JHY: variants seen among roughly 807,000 people sequenced by gnomAD.
JHY encodes junctional cadherin complex regulator, also known as jhy protein homolog.
In JHY, 69 loss-of-function variants were observed where a neutral mutation model predicts 78.0. The ratio of observed to expected loss-of-function variants is 0.88; its 90% CI spans 0.73 to 1.08. The LOEUF (loss-of-function observed/expected upper bound fraction) is 1.08. JHY is among the 50% of genes least tolerant of loss of function. The pLI is 0.00. For missense variants in JHY, 944 were observed against 927.8 expected, an observed-to-expected ratio of 1.02 and a Z score of -0.23; for synonymous variants, 368 against 342.6, an observed-to-expected ratio of 1.07 and a Z score of -0.82.
intron 6 of JHY, among the ~76,000 whole-genome samples, chr11:122,952,825 T>C (rs1864117219): frequency 6.6e-6 from 1 of 152,258 alleles, no homozygotes; most frequent in Admixed American, 6.5e-5. Context: ...GGTTTTTTCC[T>C]TCCTTTTAAT....
intron 7 of JHY, among the ~76,000 whole-genome samples, chr11:122,956,971 C>T (rs191524055): frequency 2.0e-3 from 310 of 152,186 alleles, no homozygotes; most frequent in Middle Eastern, 0.01. Flanking sequence ...CCACTTTATT[C>T]TCTTTCCTCT....
rs950517168 is a variant in JHY at position 122,926,735 on chromosome 11, C to T, written c.978+1725C>T. Among the ~76,000 whole-genome samples the T allele has an allele frequency of 2.0e-5, 3 of 152,088 alleles. No homozygotes were observed. The East Asian group carries it at 5.8e-4, about 29-fold the overall frequency. ...GCATTATGGGTAATGGACTGGGTCA[C>T]GAGAGATGAATTTCTGGGCCTCAGC... On this transcript the variant is annotated intron_variant, in intron 4 of 8. Coordinates refer to ENST00000227349, the MANE Select transcript of JHY (RefSeq NM_024806.4).
Position 122,935,624 on chromosome 11 carries a change from G to C in JHY, c.1634+549G>C, listed in dbSNP as rs1478807248. On this transcript the variant is annotated intron_variant, in intron 5 of 8. Transcript: ENST00000227349. This position sits in a 1 kb window ranked among gnomAD's most constrained non-coding sequence, Gnocchi z 4.5. ...AAACTAGAAGTTGAAGGGAGAGGAG[G>C]ACAGAGGGACCCAGTCAAAAAACAT... is the stretch of plus-strand genomic sequence containing the variant. Among the ~76,000 whole-genome samples the C allele has an allele frequency of 1.3e-5, 2 of 152,194 alleles. No individual in the cohort carries two copies. Among genetic ancestry groups the C allele is most frequent in the Admixed American group, 6.5e-5 (1 of 15,272 alleles).
intron 5 of JHY, among the ~76,000 whole-genome samples, chr11:122,937,872 G>T (rs145284805): frequency 3.9e-5 from 6 of 152,140 alleles, no homozygotes; most frequent in South Asian, 2.1e-4. Flanking sequence ...TTCTGCCCTC[G>T]CCCCTGATTG....
chr11:122,892,496 G>A (rs769033511), intron 2 of JHY, among the ~76,000 whole-genome samples: 3 of 151,974 alleles, frequency 2.0e-5, no homozygotes, highest in Non-Finnish European at 4.4e-5. Context: ...CTAATTTTTT[G>A]TATTTTTAGT....
intron 6 of JHY, among the ~76,000 whole-genome samples, chr11:122,954,414 C>G (rs1864150301): frequency 6.6e-6 from 1 of 152,200 alleles, no homozygotes; most frequent in African/African-American, 2.4e-5. Context: ...TGGGATGACT[C>G]TGGGTACTCA....
Position 122,961,134 on chromosome 11 carries a change from A to G in JHY, c.*1689A>G. 1 of 750,416 alleles carries G rather than the reference A, an allele frequency of 1.3e-6. No individual in the cohort carries two copies. The highest frequency in any genetic ancestry group is 2.2e-6 in the Non-Finnish European group (1 of 444,860). The allele number at this position is 750,416 out of a possible 1,614,324, so 46.5% of individuals were successfully genotyped here. A position where few individuals can be genotyped will look rare whatever the true frequency, so the allele number is the denominator to read the frequency against. The stretch of plus-strand genomic sequence containing the variant: ...AGAGCCAGAAACAGTTGACTGACTA[A>G]ATGGAAACTAGGCTATGTGGCAAAA... On this transcript the variant is annotated 3_prime_UTR_variant, in exon 9 of 9. Transcript: ENST00000227349.
chr11:122,942,321 A>G (rs1382848156), intron 5 of JHY, among the ~76,000 whole-genome samples: 4 of 151,954 alleles, frequency 2.6e-5, no homozygotes, highest in Admixed American at 1.3e-4. Context: ...CTGTTCCTCT[A>G]TGTTTTGGTT....
chr11:122,907,833 C>CA (rs71057309), intron 3 of JHY, among the ~76,000 whole-genome samples: 8,658 of 83,724 alleles, frequency 0.1, 380 homozygotes, highest in East Asian at 0.18. Flanking sequence ...AACTCTATCT[C>CA]AAAAAAAAAA....
At chr11:122,915,844 G>T (rs1378831979) in intron 3 of JHY, among the ~76,000 whole-genome samples, 2 of 152,136 alleles carry the variant, frequency 1.3e-5, no homozygotes, top group African/African-American at 4.8e-5. Context: ...GGTGGAAGTG[G>T]GTAGTTAGGG....
At chr11:122,951,445 G>C (rs1864081483) in intron 6 of JHY, among the ~76,000 whole-genome samples, 1 of 152,138 alleles carries the variant, frequency 6.6e-6, no homozygotes, top group South Asian at 2.1e-4. Flanking sequence ...TTCTAAGAAG[G>C]GGTTTATTTG....
intron 4 of JHY, 103 bp from the exon 5 acceptor site, chr11:122,934,313 CAAAT>C (rs36092881): frequency 0.027 from 13,547 of 509,802 alleles, 240 homozygotes; most frequent in African/African-American, 0.059. Flanking sequence ...GACTCCGTCT[CAAAT>C]AAATAAATAA....
rs1411503463 is a variant in JHY, at chr11:122,960,289, G to A, written c.*844G>A. 6.4e-6 allele frequency: 1 copy of A among 156,002 alleles called. No homozygotes were observed. Among genetic ancestry groups the A allele is most frequent in the Non-Finnish European group, 1.4e-5 (1 of 69,964 alleles). The allele number at this position is 156,002 out of a possible 1,614,324, so 9.7% of individuals were successfully genotyped here. On this transcript the variant is annotated 3_prime_UTR_variant, in exon 9 of 9. Coordinates refer to ENST00000227349, the MANE Select transcript of JHY (RefSeq NM_024806.4). ...CAGATTCTCTGGTCGGGGTCACAGGGATGTTAAGACAGCTGGCTGCCTGGG... is the reference window on the plus strand; with the variant it reads ...CAGATTCTCTGGTCGGGGTCACAGGAATGTTAAGACAGCTGGCTGCCTGGG...
intron 6 of JHY, among the ~76,000 whole-genome samples, chr11:122,949,219 T>C (rs1591398495): frequency 1.3e-5 from 2 of 151,080 alleles, no homozygotes; most frequent in South Asian, 2.1e-4. Flanking sequence ...AGGCAAGGAG[T>C]GTTGAAAGAT....
chr11:122,911,122 CTG>C (rs142267207), intron 3 of JHY, among the ~76,000 whole-genome samples: 3,106 of 152,278 alleles, frequency 0.02, 85 homozygotes, highest in African/African-American at 0.07. Context: ...TTAAAGGAAA[CTG>C]TGTTTTGAAA....
chr11:122,910,279 C>T (rs1230848921), intron 3 of JHY, among the ~76,000 whole-genome samples: 1 of 151,860 alleles, frequency 6.6e-6, no homozygotes, highest in African/African-American at 2.4e-5. Context: ...GTTTGAGACC[C>T]GCCTGACCAA....
intron 8 of JHY, among the ~76,000 whole-genome samples, 195 bp downstream of exon 8, chr11:122,957,686 G>A (rs1161649583): frequency 4.1e-5 from 6 of 148,104 alleles, no homozygotes; most frequent in African/African-American, 1.0e-4. Flanking sequence ...CACCCAGCCC[G>A]TTTTCTTGTA....
At chr11:122,950,770 G>A (rs145289125) in intron 6 of JHY, among the ~76,000 whole-genome samples, 56 of 152,304 alleles carry the variant, frequency 3.7e-4, no homozygotes, top group African/African-American at 1.3e-3. Context: ...GAAAAGTAGA[G>A]GAAAGTACTC....
At chr11:122,903,861 A>G (rs1466272597) in intron 2 of JHY, 64 bp from the exon 3 acceptor site, 1 of 1,502,264 alleles carries the variant, frequency 6.7e-7, no homozygotes, top group Non-Finnish European at 8.9e-7. Context: ...AAAATGTTCA[A>G]CTGACTATAA....
Sources: allele counts gnomAD v4.1 joint callset (sites outside exome capture counted in the v4.1 genomes callset), GRCh38; gene constraint gnomAD v4.1.1; non-coding constraint Gnocchi (gnomAD v3.1); transcripts MANE v1.5; gene names NCBI Gene and HGNC (gene_info 2026-07-23, HGNC 2026-07-21).